Variants in MAD1L1 observed in about 807,000 individuals in gnomAD.
MAD1L1 encodes mitotic spindle assembly checkpoint protein MAD1.
Under a neutral mutation model 96.9 loss-of-function variants are expected in MAD1L1, and 95 were observed. The ratio of observed to expected loss-of-function variants is 0.98; its 90% CI spans 0.83 to 1.16. MAD1L1 has a LOEUF of 1.16. Among genes scored for constraint, MAD1L1 ranks in the 50% most tolerant of loss-of-function variants. The probability of loss-of-function intolerance (pLI) is 0.00; values close to 1 mark genes in which losing one functional copy is unlikely to be tolerated. For missense variants in MAD1L1, 1,007 were observed against 954.4 expected (o/e 1.06, Z -0.73); for synonymous variants, 473 against 396.6 (o/e 1.19, Z -2.29).
intron 14 of MAD1L1, among the ~76,000 whole-genome samples, chr7:1,993,489 A>T (rs1781435449): frequency 6.6e-6 from 1 of 152,140 alleles, no homozygotes; most frequent in Admixed American, 6.5e-5. Flanking sequence ...TATCAGACAC[A>T]CTCTGAGGCT....
At chr7:2,211,832 G>C (rs543063187) in intron 10 of MAD1L1, among the ~76,000 whole-genome samples, 1 of 152,218 alleles carries the variant, frequency 6.6e-6, no homozygotes, top group African/African-American at 2.4e-5. Context: ...GCAGTCGGAC[G>C]GTGTGGTCAA....
intron 17 of MAD1L1, among the ~76,000 whole-genome samples, chr7:1,899,907 G>GA: frequency 6.6e-6 from 1 of 152,334 alleles, no homozygotes; most frequent in East Asian, 1.9e-4. Context: ...GAAGATGGAG[G>GA]ACGCGGGAGG....
At chr7:2,014,719 C>T (rs909473015) in intron 12 of MAD1L1, 77 bp from the exon 13 acceptor site, 1 of 1,475,464 alleles carries the variant, frequency 6.8e-7, no homozygotes, top group Non-Finnish European at 9.0e-7. Context: ...AGGGAAGGCC[C>T]CACGAGAGCT....
intron 6 of MAD1L1, 117 bp from the exon 7 acceptor site, chr7:2,218,160 T>C (rs1008317837): frequency 7.0e-5 from 53 of 754,740 alleles, no homozygotes; most frequent in Middle Eastern, 5.1e-4. Context: ...CACCCCAAGG[T>C]TCAGGACCTC....
chr7:2,091,279 C>T (rs1786198165), intron 11 of MAD1L1, among the ~76,000 whole-genome samples: 1 of 152,140 alleles, frequency 6.6e-6, no homozygotes, highest in African/African-American at 2.4e-5. Context: ...GCTTGGAAGC[C>T]CTGCTCTGGG....
intron 18 of MAD1L1, among the ~76,000 whole-genome samples, chr7:1,828,003 G>A (rs1263156099): frequency 2.0e-5 from 3 of 152,078 alleles, no homozygotes; most frequent in South Asian, 2.1e-4. Flanking sequence ...GAGGAGGGCC[G>A]GAGATGCAGG....
At chr7:1,884,132 G>C (rs1785861818) in intron 18 of MAD1L1, among the ~76,000 whole-genome samples, 1 of 152,242 alleles carries the variant, frequency 6.6e-6, no homozygotes, top group Admixed American at 6.5e-5. Flanking sequence ...TTGGCGGCTG[G>C]GCCAGTCTCC....
chr7:1,851,024 C>T (rs1289056693), intron 18 of MAD1L1, among the ~76,000 whole-genome samples: 1 of 152,238 alleles, frequency 6.6e-6, no homozygotes, highest in South Asian at 2.1e-4. Context: ...TGTGACCCTG[C>T]GTCCACCGTG....
chr7:2,128,865 GTC>G (rs1238140479), intron 11 of MAD1L1, among the ~76,000 whole-genome samples: 5 of 152,232 alleles, frequency 3.3e-5, no homozygotes, highest in African/African-American at 1.2e-4. Context: ...TCACACTGCA[GTC>G]TCTCTGCTCC....
intron 10 of MAD1L1, among the ~76,000 whole-genome samples, chr7:2,184,327 C>A (rs1011735944): frequency 6.6e-6 from 1 of 151,856 alleles, no homozygotes; most frequent in African/African-American, 2.4e-5. Context: ...CATTAGGGAA[C>A]GTGAGTTAAA....
intron 12 of MAD1L1, among the ~76,000 whole-genome samples, chr7:2,042,309 GCACAGACA>G (rs148188270): frequency 0.012 from 1,767 of 151,258 alleles, 9 homozygotes; most frequent in Non-Finnish European, 0.018. Context: ...ACGCAGATGT[GCACAGACA>G]CACAGGCACA....
chr7:1,831,942 T>A (rs1251873808), intron 18 of MAD1L1, among the ~76,000 whole-genome samples: 1 of 152,266 alleles, frequency 6.6e-6, no homozygotes, highest in Non-Finnish European at 1.5e-5. Context: ...CTGATGGAGA[T>A]GAACGTTGTT....
At position 2,024,275 on chromosome 7, in the gene MAD1L1, A is replaced by G. The variant is rs1239968349; in HGVS notation, c.1219-9633T>C. ...TAGATGAAATGGACCAATTCCTTGA[A>G]AGACACGAACCACCAAAACTCACAT... On this transcript the variant is annotated intron_variant, in intron 12 of 18. Transcript: ENST00000265854. Among the ~76,000 whole-genome samples, 4 of 152,186 alleles carry G rather than the reference A, an allele frequency of 2.6e-5. No homozygotes were observed. The East Asian group carries it at 5.8e-4, about 22-fold the overall frequency.
chr7:1,860,756 A>G (rs1165650609), intron 18 of MAD1L1, among the ~76,000 whole-genome samples: 2 of 151,974 alleles, frequency 1.3e-5, no homozygotes, highest in Non-Finnish European at 2.9e-5. Flanking sequence ...CTCCGCTCAC[A>G]TCTCAGGATT....
intron 11 of MAD1L1, among the ~76,000 whole-genome samples, chr7:2,102,094 G>A (rs1165171698): frequency 6.6e-6 from 1 of 151,968 alleles, no homozygotes; most frequent in East Asian, 1.9e-4. Flanking sequence ...CGCAGGCTAG[G>A]TCCTGGCACC....
At chr7:1,923,417 T>C (rs1241860253) in intron 17 of MAD1L1, among the ~76,000 whole-genome samples, 1 of 136,280 alleles carries the variant, frequency 7.3e-6, no homozygotes, top group Non-Finnish European at 1.7e-5. Flanking sequence ...TCTTCTACCC[T>C]GACACCCAGG....
intron 12 of MAD1L1, among the ~76,000 whole-genome samples, chr7:2,068,379 A>G (rs1488949354): frequency 6.6e-6 from 1 of 152,230 alleles, no homozygotes; most frequent in Admixed American, 6.5e-5. Context: ...CTCCACAACC[A>G]AGAGGTCCCA....
chr7:1,823,964 G>T (rs368255960), intron 18 of MAD1L1, among the ~76,000 whole-genome samples: 63 of 152,302 alleles, frequency 4.1e-4, no homozygotes, highest in African/African-American at 1.5e-3. Context: ...GAGAGGAAAG[G>T]AGCCCTCGGG....
intron 12 of MAD1L1, among the ~76,000 whole-genome samples, chr7:2,049,051 C>G (rs772570386): frequency 3.9e-5 from 6 of 152,330 alleles, no homozygotes; most frequent in Non-Finnish European, 7.3e-5. Flanking sequence ...TGATGAACTA[C>G]CTCACACATA....
Sources: gnomAD v4.1 joint callset for allele counts (sites outside exome capture counted in the v4.1 genomes callset) on GRCh38, gnomAD v4.1.1 for gene constraint, MANE v1.5 for transcripts, NCBI Gene and HGNC (gene_info 2026-07-23, HGNC 2026-07-21) for gene names.